Variants in STXBP6 observed in about 807,000 individuals in gnomAD.
STXBP6 encodes the protein syntaxin-binding protein 6.
In STXBP6, 21 loss-of-function variants were observed where a neutral mutation model predicts 26.9. The ratio of observed to expected loss-of-function variants is 0.78; its 90% confidence interval spans 0.55 to 1.12. STXBP6 has a LOEUF of 1.12. STXBP6 is among the 50% of genes most tolerant of loss of function. STXBP6 has a pLI of 0.00. For synonymous variants in STXBP6, 97 were observed against 92.6 expected (o/e 1.05, Z -0.27); for missense variants, 232 against 257.9 (o/e 0.90, Z 0.69).
intron 2 of STXBP6, among the ~76,000 whole-genome samples, chr14:24,897,508 T>C (rs933708268): frequency 1.2e-4 from 18 of 152,068 alleles, no homozygotes; most frequent in African/African-American, 4.3e-4. Flanking sequence ...TCAGGTTACT[T>C]ACAGTCATTA....
At chr14:24,908,986 A>G (rs2071476946) in intron 2 of STXBP6, among the ~76,000 whole-genome samples, 1 of 152,238 alleles carries the variant, frequency 6.6e-6, no homozygotes, top group Admixed American at 6.5e-5. Flanking sequence ...GAAAATAGAA[A>G]TAGGTAAAAT....
chr14:24,863,101 CTCTT>C (rs1417791018), intron 2 of STXBP6, among the ~76,000 whole-genome samples: 1 of 152,084 alleles, frequency 6.6e-6, no homozygotes, highest in Non-Finnish European at 1.5e-5. Context: ...AAAGGATACT[CTCTT>C]TTTCAAGTAA....
At chr14:24,945,763 C>T (rs373551055) in intron 2 of STXBP6, among the ~76,000 whole-genome samples, 1 of 152,180 alleles carries the variant, frequency 6.6e-6, no homozygotes, top group Non-Finnish European at 1.5e-5. Flanking sequence ...ATGTGCTAGG[C>T]ATTGTTCTAA....
At chr14:24,941,973 C>G (rs1363771576) in intron 2 of STXBP6, among the ~76,000 whole-genome samples, 2 of 152,232 alleles carry the variant, frequency 1.3e-5, no homozygotes, top group Non-Finnish European at 2.9e-5. Flanking sequence ...TCCCCCTCAG[C>G]AAGTCTCTCT....
chr14:24,966,873 G>A (rs1266446923), intron 2 of STXBP6, among the ~76,000 whole-genome samples: 1 of 152,178 alleles, frequency 6.6e-6, no homozygotes, highest in Admixed American at 6.5e-5. Context: ...CACCCCAGTT[G>A]TTGGTATACA....
At chr14:24,914,090 C>T (rs1036430203) in intron 2 of STXBP6, among the ~76,000 whole-genome samples, 10 of 152,126 alleles carry the variant, frequency 6.6e-5, no homozygotes, top group East Asian at 1.9e-4. Context: ...CACTGTGATG[C>T]AAGAAATAAA....
intron 2 of STXBP6, among the ~76,000 whole-genome samples, chr14:24,896,135 C>A (rs1208893351): frequency 3.3e-5 from 5 of 152,074 alleles, no homozygotes; most frequent in Admixed American, 3.3e-4. Context: ...ATTTCTTCAG[C>A]CTTCCAGATG....
chr14:24,901,346 T>TCC (rs34764872), intron 2 of STXBP6, among the ~76,000 whole-genome samples: 3 of 151,124 alleles, frequency 2.0e-5, no homozygotes, highest in Admixed American at 6.6e-5. Context: ...CTAGCATGGC[T>TCC]CCCCCCCAAA....
chr14:24,885,122 G>T (rs2070528093), intron 2 of STXBP6, among the ~76,000 whole-genome samples: 2 of 152,130 alleles, frequency 1.3e-5, no homozygotes, highest in Non-Finnish European at 2.9e-5. Context: ...CTCTGGGTAA[G>T]ATAAAACTTA....
chr14:24,856,189 A>G, intron 3 of STXBP6, 88 bp from the exon 4 acceptor site: 1 of 1,298,872 alleles, frequency 7.7e-7, no homozygotes, highest in Non-Finnish European at 1.0e-6. Flanking sequence ...TATAAGGGCT[A>G]AAACAAAGAC....
chr14:24,935,777 T>C (rs944422646), intron 2 of STXBP6, among the ~76,000 whole-genome samples: 9 of 152,214 alleles, frequency 5.9e-5, no homozygotes, highest in African/African-American at 1.4e-4. Context: ...AAATCCAAGA[T>C]AAGCCAACAT....
chr14:24,831,928 C>T (rs1480599548), intron 4 of STXBP6, among the ~76,000 whole-genome samples: 2 of 152,016 alleles, frequency 1.3e-5, no homozygotes, highest in Non-Finnish European at 2.9e-5. Context: ...AAGGTCACAC[C>T]CGAGGTAACA....
intron 2 of STXBP6, among the ~76,000 whole-genome samples, chr14:24,963,480 C>A (rs2073620409): frequency 6.6e-6 from 1 of 152,124 alleles, no homozygotes; most frequent in South Asian, 2.1e-4. Flanking sequence ...TGGATCCACA[C>A]AAAGTGGATG....
intron 2 of STXBP6, among the ~76,000 whole-genome samples, chr14:24,953,364 A>G (rs2073233751): frequency 6.6e-6 from 1 of 152,092 alleles, no homozygotes; most frequent in African/African-American, 2.4e-5. Flanking sequence ...GAGGATGTAA[A>G]CCTATCTTTG....
chr14:24,928,997 G>A (rs1031889506), intron 2 of STXBP6, among the ~76,000 whole-genome samples: 21 of 151,760 alleles, frequency 1.4e-4, no homozygotes, highest in African/African-American at 5.1e-4. Flanking sequence ...ACAGATGACA[G>A]AAGATATCAG....
intron 1 of STXBP6, among the ~76,000 whole-genome samples, chr14:25,028,570 C>T (rs992043382): frequency 1.1e-4 from 17 of 151,856 alleles, no homozygotes; most frequent in African/African-American, 4.1e-4. Flanking sequence ...CATCCAAGAG[C>T]TCTAATGGAG....
intron 1 of STXBP6, among the ~76,000 whole-genome samples, chr14:25,034,365 T>A (rs1435447609): frequency 6.6e-6 from 1 of 152,196 alleles, no homozygotes; most frequent in Non-Finnish European, 1.5e-5. Context: ...ATTTCTCTCC[T>A]TCAAAACCCA....
At position 24,991,023 on chromosome 14, in the gene STXBP6, G is replaced by A. The variant is rs567801141; in HGVS notation, c.-32-16173C>T. On this transcript the variant is annotated intron_variant, in intron 1 of 5. Transcript: ENST00000323944. ...AGGAGAGTAGGAGGAGAGAGAAAGA[G>A]AAGAGAGACAGAAGAGAGAGGAGAG... Among the ~76,000 whole-genome samples the A allele has an allele frequency of 5.9e-5, 9 of 151,332 alleles. No homozygotes were observed. In the South Asian group the frequency reaches 1.7e-3, roughly 28 times the overall value.
intron 5 of STXBP6, among the ~76,000 whole-genome samples, chr14:24,814,322 T>C (rs2067908229): frequency 6.6e-6 from 1 of 152,254 alleles, no homozygotes; most frequent in Non-Finnish European, 1.5e-5. Context: ...CGGCCTCTAC[T>C]TCTTGCTCTG....
Sources: gnomAD v4.1 joint callset for allele counts (sites outside exome capture counted in the v4.1 genomes callset) on GRCh38, gnomAD v4.1.1 for gene constraint, MANE v1.5 for transcripts, NCBI Gene and HGNC (gene_info 2026-07-23, HGNC 2026-07-21) for gene names.